NDEL1: variants seen among roughly 807,000 people sequenced by gnomAD.
NDEL1 encodes nudE neurodevelopment protein 1 like 1, also known as nuclear distribution protein nudE-like 1.
In NDEL1, 9 loss-of-function variants were observed where a neutral mutation model predicts 45.7. The observed-to-expected ratio is 0.20, with a 90% CI of 0.12 to 0.34. The LOEUF is 0.34. Among genes scored for constraint, NDEL1 ranks in the 10% least tolerant of loss-of-function variants. The pLI is 1.00. For missense variants in NDEL1, 306 were observed against 406.2 expected (o/e 0.75, Z 2.12); for synonymous variants, 133 against 158.6 (o/e 0.84, Z 1.21).
chr17:8,424,919 T>C (rs1908795232), intron 1 of NDEL1, among the ~76,000 whole-genome samples: 1 of 152,210 alleles, frequency 6.6e-6, no homozygotes, highest in Admixed American at 6.5e-5. Context: ...TCCTCTTGCC[T>C]TGCTGCCACG....
At chr17:8,439,108 G>T (rs934501906) in intron 1 of NDEL1, among the ~76,000 whole-genome samples, 1 of 150,700 alleles carries the variant, frequency 6.6e-6, no homozygotes, top group Non-Finnish European at 1.5e-5. Flanking sequence ...CGCCCAGCTA[G>T]TTTTTTGTGT....
chr17:8,439,659 A>G (rs1445073937), intron 1 of NDEL1, among the ~76,000 whole-genome samples: 2 of 152,174 alleles, frequency 1.3e-5, no homozygotes, highest in African/African-American at 4.8e-5. Flanking sequence ...GAATATGCAT[A>G]TATTCCTGAA....
chr17:8,451,774 T>G (rs1910518668), intron 6 of NDEL1, among the ~76,000 whole-genome samples: 1 of 152,120 alleles, frequency 6.6e-6, no homozygotes, highest in South Asian at 2.1e-4. Context: ...TCATCCCCCC[T>G]TGCTTTTTTT....
intron 5 of NDEL1, among the ~76,000 whole-genome samples, chr17:8,449,812 C>A (rs72841787): frequency 0.033 from 5,060 of 152,242 alleles, 110 homozygotes; most frequent in South Asian, 0.13. Context: ...CCATCTCTTG[C>A]TATTGCGAAT....
intron 6 of NDEL1, among the ~76,000 whole-genome samples, chr17:8,452,562 G>C (rs1796004159): frequency 6.6e-6 from 1 of 152,196 alleles, no homozygotes; most frequent in Admixed American, 6.5e-5. Context: ...AGAAAGCACA[G>C]AGTTGTGAGC....
chr17:8,419,627 C>A (rs796890031), intron 1 of NDEL1, among the ~76,000 whole-genome samples: 1 of 152,136 alleles, frequency 6.6e-6, no homozygotes. Context: ...CTCTTGATCA[C>A]GACCCCATCT....
intron 1 of NDEL1, among the ~76,000 whole-genome samples, chr17:8,427,380 C>T (rs944256507): frequency 5.9e-5 from 9 of 152,206 alleles, no homozygotes; most frequent in South Asian, 2.1e-4. Context: ...ATTTTTGAAT[C>T]GGACATGAGT....
At chr17:8,448,761 T>C in intron 5 of NDEL1, 75 bp downstream of exon 5, 3 of 1,385,398 alleles carry the variant, frequency 2.2e-6, no homozygotes, top group Non-Finnish European at 2.9e-6. Flanking sequence ...CCACTTATAC[T>C]CTGATTTTTT....
intron 1 of NDEL1, among the ~76,000 whole-genome samples, chr17:8,442,831 C>T (rs185796722): frequency 6.7e-6 from 1 of 149,686 alleles, no homozygotes; most frequent in East Asian, 2.0e-4. Flanking sequence ...GCTCTGTCCC[C>T]CAGGCTGGAG....
intron 8 of NDEL1, chr17:8,466,319 G>A (rs984373912): frequency 3.3e-5 from 5 of 152,140 alleles, no homozygotes; most frequent in African/African-American, 7.3e-5. Flanking sequence ...ATGTGTATGC[G>A]TATATATAAT....
intron 8 of NDEL1, chr17:8,463,444 T>C: frequency 7.9e-7 from 1 of 1,265,346 alleles, no homozygotes; most frequent in Non-Finnish European, 1.1e-6. Flanking sequence ...TTTTACTAAC[T>C]GCATGGGGCT....
rs1382069478 is a variant in NDEL1, at chr17:8,436,040, T to C, written c.-18T>C. On this transcript the variant is annotated 5_prime_UTR_variant, in exon 1 of 9. Coordinates refer to ENST00000334527, the MANE Select transcript of NDEL1 (RefSeq NM_030808.5). Reference sequence around the variant, plus strand: ...GCGGCGAACATGCGCTTTTGACACATTGGAGGTGAGCCTGCAGCGCGGGGC... The same window carrying C: ...GCGGCGAACATGCGCTTTTGACACACTGGAGGTGAGCCTGCAGCGCGGGGC... 1 of 441,488 alleles carries C rather than the reference T, an allele frequency of 2.3e-6. No homozygotes were observed. Among genetic ancestry groups the C allele is most frequent in the South Asian group, 1.6e-5 (1 of 63,288 alleles). The allele number at this position is 441,488 out of a possible 1,614,324, so 27.3% of individuals were successfully genotyped here.
chr17:8,439,429 T>C (rs1567727723), intron 1 of NDEL1, among the ~76,000 whole-genome samples: 1 of 150,544 alleles, frequency 6.6e-6, no homozygotes, highest in Admixed American at 6.6e-5. Flanking sequence ...TTTTTTCATA[T>C]TTTCGGTATA....
chr17:8,429,919 C>A (rs758050447), intron 1 of NDEL1, among the ~76,000 whole-genome samples: 9 of 151,950 alleles, frequency 5.9e-5, no homozygotes, highest in Non-Finnish European at 1.0e-4. Context: ...GAGGGACAGA[C>A]AAATAAGAAA....
At chr17:8,447,780 T>C (rs1306992522) in intron 4 of NDEL1, among the ~76,000 whole-genome samples, 4 of 152,238 alleles carry the variant, frequency 2.6e-5, no homozygotes, top group Admixed American at 6.5e-5. Flanking sequence ...TTCCTGGTAT[T>C]TCCTTCCTTA....
At chr17:8,422,515 GT>G (rs1293272822) in intron 1 of NDEL1, among the ~76,000 whole-genome samples, 1 of 151,812 alleles carries the variant, frequency 6.6e-6, no homozygotes, top group East Asian at 1.9e-4. Flanking sequence ...TTCAGTGAAT[GT>G]CTTCTCTTCT....
At chr17:8,432,987 T>C (rs1469006905), upstream of NDEL1, among the ~76,000 whole-genome samples, 3 of 152,132 alleles carry the variant, frequency 2.0e-5, no homozygotes, top group African/African-American at 4.8e-5. Flanking sequence ...TGATTTTTGC[T>C]CTTGACTGGT....
intron 1 of NDEL1, among the ~76,000 whole-genome samples, chr17:8,414,486 T>C (rs1414838921): frequency 6.6e-6 from 1 of 152,036 alleles, no homozygotes. Flanking sequence ...GCTAACATGG[T>C]GAAACCCCGT....
chr17:8,473,557 G>T (rs145686662), intron 3 of NDEL1, among the ~76,000 whole-genome samples: 2 of 152,130 alleles, frequency 1.3e-5, no homozygotes, highest in African/African-American at 4.8e-5. Flanking sequence ...CTGGATGTGG[G>T]GGTGGGAGCC....
Sources: gnomAD v4.1 joint callset for allele counts (sites outside exome capture counted in the v4.1 genomes callset) on GRCh38, gnomAD v4.1.1 for gene constraint, MANE v1.5 for transcripts, NCBI Gene and HGNC (gene_info 2026-07-23, HGNC 2026-07-21) for gene names.